The following UBE3A variants were observed in gnomAD, a reference collection of about 807,000 sequenced individuals.
The protein encoded by UBE3A is ubiquitin-protein ligase E3A.
UBE3A carries 6 observed loss-of-function variants against 83.4 expected under a neutral mutation model. The observed-to-expected ratio is 0.07, with a 90% CI of 0.04 to 0.14. The LOEUF is 0.14. Among genes scored for constraint, UBE3A ranks in the 10% least tolerant of loss-of-function variants. The pLI is 1.00. For synonymous variants in UBE3A, 337 were observed against 355.4 expected, an observed-to-expected ratio of 0.95 and a Z score of 0.58; for missense variants, 456 against 1,036.1, an observed-to-expected ratio of 0.44 and a Z score of 7.69.
At chr15:25,437,434 T>TA (rs1355286435) in intron 1 of UBE3A, among the ~76,000 whole-genome samples, 1 of 152,204 alleles carries the variant, frequency 6.6e-6, no homozygotes, top group Non-Finnish European at 1.5e-5. Context: ...TTGTATTTCT[T>TA]AAACTTTAGG....
intron 9 of UBE3A, 137 bp from the exon 10 acceptor site, chr15:25,354,820 T>TACAAAGAAA: frequency 2.5e-6 from 2 of 799,732 alleles, no homozygotes. Context: ...ATTTTACACC[T>TACAAAGAAA]ACTTCTTAAC....
chr15:25,367,233 AAATATGTAAAT>A (rs2079379692), intron 6 of UBE3A, among the ~76,000 whole-genome samples: 1 of 83,130 alleles, frequency 1.2e-5, no homozygotes, highest in Non-Finnish European at 2.3e-5. Context: ...ACATATTTGT[AAATATGTAAAT>A]ATTTGCATAT....
chr15:25,436,201 A>C (rs537303715), intron 1 of UBE3A, among the ~76,000 whole-genome samples: 54 of 152,344 alleles, frequency 3.5e-4, no homozygotes, highest in Non-Finnish European at 6.9e-4. Flanking sequence ...GAACCAACAT[A>C]AAAAGAGCAC....
At chr15:25,438,107 C>G (rs1416417752) in intron 1 of UBE3A, 1 of 152,264 alleles carries the variant, frequency 6.6e-6, no homozygotes, top group Admixed American at 6.5e-5. Flanking sequence ...TTGAAAACGC[C>G]GAGAAAGGGC....
chr15:25,436,801 A>G (rs1255016052), intron 1 of UBE3A, among the ~76,000 whole-genome samples: 2 of 152,198 alleles, frequency 1.3e-5, no homozygotes, highest in Non-Finnish European at 2.9e-5. Context: ...AAACATAAGT[A>G]GCTTATAAAT....
At chr15:25,430,414 G>A (rs957020867) in intron 1 of UBE3A, among the ~76,000 whole-genome samples, 2 of 146,946 alleles carry the variant, frequency 1.4e-5, no homozygotes, top group Non-Finnish European at 3.0e-5. Flanking sequence ...GCACTTTGGG[G>A]AATTAGATCT....
chr15:25,335,197 G>A lies in UBE3A; in HGVS notation c.*3940C>T, dbSNP rs530505524. On this transcript the variant is annotated 3_prime_UTR_variant, in exon 13 of 13. Coordinates refer to ENST00000648336, the MANE Select transcript of UBE3A (RefSeq NM_130839.5). The stretch of plus-strand genomic sequence containing the variant: ...GTACCCCATTATGCTGTGCTACCAC[G>A]GAAGCATTGGAGGCACTTTGGGGGT... 3.9e-5 allele frequency: 6 copies of A among 152,324 alleles called. No homozygotes were observed. The highest frequency in any genetic ancestry group is 1.2e-4 in the African/African-American group (5 of 41,564). The allele number at this position is 152,324 out of a possible 1,614,324, so 9.4% of individuals were successfully genotyped here.
At position 25,337,800 on chromosome 15, in the gene UBE3A, TAATGC is replaced by T. The variant is rs1478368878; in HGVS notation, c.*1332_*1336del. The T allele has an allele frequency of 6.6e-6, 1 of 152,118 alleles. No individual in the cohort carries two copies. Among genetic ancestry groups the T allele is most frequent in the African/African-American group, 2.4e-5 (1 of 41,440 alleles). 9.4% of individuals were successfully genotyped at this position (152,118 alleles called of 1,614,324 possible). On this transcript the variant is annotated 3_prime_UTR_variant, in exon 13 of 13. Coordinates refer to ENST00000648336, the MANE Select transcript of UBE3A (RefSeq NM_130839.5). The stretch of plus-strand genomic sequence containing the variant: ...AAAAATACATAATCCTTTTATTTTA[TAATGC>T]AATAAAAGAAATTAACAACATCACA...
chr15:25,345,980 C>G (rs1415436409), intron 11 of UBE3A: 1 of 152,182 alleles, frequency 6.6e-6, no homozygotes, highest in Non-Finnish European at 1.5e-5. Context: ...AGAAACAAAC[C>G]CATGCTTGAG....
At chr15:25,430,032 T>TATATTATATATATATATATATATATA in intron 1 of UBE3A, among the ~76,000 whole-genome samples, 1 of 83,990 alleles carries the variant, frequency 1.2e-5, no homozygotes, top group South Asian at 3.1e-4. Context: ...AAAACCTATA[T>TATATTATATATATATATATATATATA]ATATATATAT....
chr15:25,408,539 G>A, intron 3 of UBE3A: 1 of 1,549,700 alleles, frequency 6.5e-7, no homozygotes, highest in Admixed American at 1.7e-5. Flanking sequence ...GTCTTGATTT[G>A]AATCGCAGAA....
chr15:25,345,066 T>TGC (rs2075447091), intron 11 of UBE3A, among the ~76,000 whole-genome samples: 1 of 152,070 alleles, frequency 6.6e-6, no homozygotes, highest in Non-Finnish European at 1.5e-5. Context: ...CATGAACCAT[T>TGC]GCATATAATT....
chr15:25,407,754 T>C (rs946101158), intron 3 of UBE3A: 1 of 152,204 alleles, frequency 6.6e-6, no homozygotes, highest in African/African-American at 2.4e-5. Flanking sequence ...AAAGTTGTTC[T>C]ACTCAAATTG....
intron 1 of UBE3A, among the ~76,000 whole-genome samples, chr15:25,436,518 A>G (rs1461288334): frequency 6.6e-6 from 1 of 152,226 alleles, no homozygotes; most frequent in Non-Finnish European, 1.5e-5. Flanking sequence ...GAAACAGTGT[A>G]TTATCACAGT....
chr15:25,339,702 G>T, intron 12 of UBE3A: 1 of 319,560 alleles, frequency 3.1e-6, no homozygotes, highest in Non-Finnish European at 6.0e-6. Context: ...AACACTGCTG[G>T]CAATATGACT....
chr15:25,402,295 C>G (rs2087338394), intron 4 of UBE3A, among the ~76,000 whole-genome samples: 1 of 152,236 alleles, frequency 6.6e-6, no homozygotes, highest in South Asian at 2.1e-4. Context: ...AGCCTTGGTA[C>G]ACAGGTGCTG....
At chr15:25,427,799 A>G (rs1891836422) in intron 1 of UBE3A, among the ~76,000 whole-genome samples, 1 of 148,388 alleles carries the variant, frequency 6.7e-6, no homozygotes, top group African/African-American at 2.5e-5. Context: ...CTCCTGGAAA[A>G]AAAAAAAAAA....
intron 4 of UBE3A, among the ~76,000 whole-genome samples, chr15:25,381,198 T>C (rs1317044286): frequency 6.6e-6 from 1 of 152,222 alleles, no homozygotes; most frequent in South Asian, 2.1e-4. Flanking sequence ...GTAAAATTTG[T>C]GTTCAATGTT....
intron 4 of UBE3A, among the ~76,000 whole-genome samples, chr15:25,398,771 T>TTATATA (rs1159969391): frequency 4.1e-3 from 281 of 68,806 alleles, no homozygotes; most frequent in African/African-American, 0.012. Flanking sequence ...ATTCTTTTAT[T>TTATATA]TATATATATA....
Sources: allele counts gnomAD v4.1 joint callset (sites outside exome capture counted in the v4.1 genomes callset), GRCh38; gene constraint gnomAD v4.1.1; transcripts MANE v1.5; gene names NCBI Gene and HGNC (gene_info 2026-07-23, HGNC 2026-07-21).